MALRD1: variants seen among roughly 807,000 people sequenced by gnomAD.
The protein encoded by MALRD1 is MAM and LDL-receptor class A domain-containing protein 1.
A neutral mutation model predicts 242.1 loss-of-function variants in MALRD1; 247 were observed. The observed-to-expected ratio is 1.02, with a 90% CI of 0.92 to 1.13. The LOEUF is 1.13. Among genes scored for constraint, MALRD1 ranks in the 50% most tolerant of loss-of-function variants. The pLI is 0.00. For missense variants in MALRD1, 2,989 were observed against 2,533.1 expected (o/e 1.18, Z -3.86); for synonymous variants, 995 against 866.6 (o/e 1.15, Z -2.60).
chr10:19,606,055 T>C (rs923635051), intron 34 of MALRD1, among the ~76,000 whole-genome samples: 6 of 151,988 alleles, frequency 3.9e-5, no homozygotes, highest in Non-Finnish European at 7.4e-5. Context: ...AAAACACTAT[T>C]TTTTTTACGT....
intron 31 of MALRD1, among the ~76,000 whole-genome samples, chr10:19,509,941 C>T (rs979169690): frequency 1.3e-5 from 2 of 152,012 alleles, no homozygotes; most frequent in African/African-American, 4.8e-5. Context: ...GCTCAGCATA[C>T]AGAGGATCCG....
intron 32 of MALRD1, among the ~76,000 whole-genome samples, chr10:19,553,084 T>C (rs1309371640): frequency 2.0e-5 from 3 of 152,152 alleles, no homozygotes; most frequent in African/African-American, 7.2e-5. Context: ...TTAAAAGTCC[T>C]AAGAGGACTA....
chr10:19,714,454 C>T (rs1446549242), intron 38 of MALRD1, among the ~76,000 whole-genome samples: 2 of 152,080 alleles, frequency 1.3e-5, no homozygotes, highest in Non-Finnish European at 2.9e-5. Context: ...CAGCTGCCTG[C>T]ATGTCTGTCT....
intron 18 of MALRD1, among the ~76,000 whole-genome samples, chr10:19,227,863 G>T (rs1354304343): frequency 2.6e-5 from 4 of 152,066 alleles, no homozygotes; most frequent in Non-Finnish European, 4.4e-5. Flanking sequence ...CAAATGAAAA[G>T]ATACTTGACA....
At chr10:19,157,382 G>A (rs1041814586) in intron 12 of MALRD1, among the ~76,000 whole-genome samples, 1 of 151,258 alleles carries the variant, frequency 6.6e-6, no homozygotes, top group Non-Finnish European at 1.5e-5. Context: ...TGAGTAGCTG[G>A]GACTACAGGT....
intron 36 of MALRD1, among the ~76,000 whole-genome samples, chr10:19,620,525 C>T (rs954302590): frequency 1.3e-5 from 2 of 151,912 alleles, no homozygotes; most frequent in Non-Finnish European, 2.9e-5. Context: ...TTTACAGTAA[C>T]CTGGAAATTG....
intron 28 of MALRD1, among the ~76,000 whole-genome samples, chr10:19,421,964 A>G (rs1171307474): frequency 6.6e-6 from 1 of 152,230 alleles, no homozygotes; most frequent in African/African-American, 2.4e-5. Flanking sequence ...ATTGCCTTTG[A>G]TGATGCAACA....
chr10:19,464,502 C>G (rs1341698877), intron 29 of MALRD1, among the ~76,000 whole-genome samples: 1 of 152,056 alleles, frequency 6.6e-6, no homozygotes, highest in East Asian at 1.9e-4. Context: ...CTTGCTTTGT[C>G]AAAGATCAGT....
At chr10:19,288,624 G>T (rs772972031) in intron 21 of MALRD1, among the ~76,000 whole-genome samples, 1 of 151,762 alleles carries the variant, frequency 6.6e-6, no homozygotes, top group Non-Finnish European at 1.5e-5. Context: ...TTTTTCTGAG[G>T]TTCCGTAACT....
chr10:19,194,144 A>C (rs150118951), intron 14 of MALRD1, among the ~76,000 whole-genome samples: 1 of 152,192 alleles, frequency 6.6e-6, no homozygotes, highest in Non-Finnish European at 1.5e-5. Context: ...TGTTATTAAC[A>C]TGAGCTGACT....
intron 36 of MALRD1, among the ~76,000 whole-genome samples, chr10:19,691,562 A>G (rs1842821520): frequency 2.6e-5 from 4 of 152,124 alleles, no homozygotes; most frequent in East Asian, 3.9e-4. Flanking sequence ...ACAAGTGTGT[A>G]TACATGAACT....
intron 15 of MALRD1, 90 bp downstream of exon 15, chr10:19,203,970 T>C: frequency 7.0e-7 from 1 of 1,427,148 alleles, no homozygotes; most frequent in Non-Finnish European, 9.7e-7. Context: ...GGTTCTGTGA[T>C]AACTACAACA....
chr10:19,707,862 C>G (rs1184246315), intron 38 of MALRD1, among the ~76,000 whole-genome samples: 2 of 119,368 alleles, frequency 1.7e-5, no homozygotes, highest in East Asian at 5.0e-4. Context: ...GGGCCTGAGG[C>G]AGGAGAATCG....
chr10:19,162,756 A>T (rs1461075928), intron 12 of MALRD1, among the ~76,000 whole-genome samples: 1 of 152,030 alleles, frequency 6.6e-6, no homozygotes, highest in African/African-American at 2.4e-5. Context: ...CAGTATGGCA[A>T]CTCCACAAAG....
At chr10:19,191,462 C>T (rs1398742858) in intron 14 of MALRD1, among the ~76,000 whole-genome samples, 2 of 152,104 alleles carry the variant, frequency 1.3e-5, no homozygotes, top group Admixed American at 6.6e-5. Context: ...AATATAATTA[C>T]CATATGCTTC....
intron 28 of MALRD1, among the ~76,000 whole-genome samples, chr10:19,440,825 G>A (rs2130985803): frequency 6.6e-6 from 1 of 152,268 alleles, no homozygotes; most frequent in South Asian, 2.1e-4. Context: ...TGTCTTTATA[G>A]CAGCATGATT....
At chr10:19,623,151 A>T (rs544557186) in intron 36 of MALRD1, among the ~76,000 whole-genome samples, 1 of 152,212 alleles carries the variant, frequency 6.6e-6, no homozygotes, top group South Asian at 2.1e-4. Context: ...AGTTAATTAC[A>T]TAAAAATTTA....
chr10:19,488,664 A>G (rs1305239051), intron 29 of MALRD1: 1 of 187,996 alleles, frequency 5.3e-6, no homozygotes, highest in East Asian at 1.3e-4. Context: ...AGGATATAGA[A>G]CAATTGCAGG....
At chr10:19,073,514 G>A (rs754986998) in intron 2 of MALRD1, among the ~76,000 whole-genome samples, 9 of 152,024 alleles carry the variant, frequency 5.9e-5, no homozygotes, top group African/African-American at 1.2e-4. Flanking sequence ...CACACCTGAC[G>A]CCTTTGGTTT....
Sources: gnomAD v4.1 joint callset for allele counts (sites outside exome capture counted in the v4.1 genomes callset) on GRCh38, gnomAD v4.1.1 for gene constraint, MANE v1.5 for transcripts, NCBI Gene and HGNC (gene_info 2026-07-23, HGNC 2026-07-21) for gene names.